The following KCNH1 variants were observed in gnomAD, a reference collection of about 807,000 sequenced individuals.
The protein encoded by KCNH1 is voltage-gated delayed rectifier potassium channel KCNH1.
Under a neutral mutation model 69.2 loss-of-function variants are expected in KCNH1, and 27 were observed. The ratio of observed to expected loss-of-function variants is 0.39; its 90% CI spans 0.29 to 0.54. KCNH1 has a LOEUF of 0.54. KCNH1 is among the 20% of genes least tolerant of loss of function. KCNH1 has a pLI of 0.68. For synonymous variants in KCNH1, 456 were observed against 487.7 expected, an observed-to-expected ratio of 0.93 and a Z score of 0.86; for missense variants, 798 against 1,261.6, an observed-to-expected ratio of 0.63 and a Z score of 5.57.
chr1:210,716,843 T>C (rs1682267170), intron 10 of KCNH1, among the ~76,000 whole-genome samples: 1 of 152,000 alleles, frequency 6.6e-6, no homozygotes, highest in East Asian at 1.9e-4. Context: ...TAATCACGAG[T>C]TGCTATGATT....
intron 7 of KCNH1, among the ~76,000 whole-genome samples, chr1:210,838,472 A>G (rs2102449781): frequency 6.6e-6 from 1 of 152,358 alleles, no homozygotes; most frequent in East Asian, 1.9e-4. Flanking sequence ...AGCCTAGAAG[A>G]AAACCTAGGC....
At chr1:210,744,866 T>C (rs937354065) in intron 10 of KCNH1, among the ~76,000 whole-genome samples, 2 of 151,938 alleles carry the variant, frequency 1.3e-5, no homozygotes, top group Non-Finnish European at 2.9e-5. Flanking sequence ...GTGGCAAAGC[T>C]ACCCTGAGAT....
intron 6 of KCNH1, among the ~76,000 whole-genome samples, chr1:211,005,815 G>GA (rs1006847728): frequency 6.6e-6 from 1 of 151,816 alleles, no homozygotes; most frequent in East Asian, 1.9e-4. Flanking sequence ...ACACAGTAGG[G>GA]AAAAAAATAT....
chr1:211,040,989 CT>C (rs1384142057), intron 5 of KCNH1, among the ~76,000 whole-genome samples: 3 of 152,202 alleles, frequency 2.0e-5, no homozygotes, highest in Non-Finnish European at 4.4e-5. Context: ...TGATCCTCTC[CT>C]TTTTCTTCCC....
rs1333342655 is a variant in KCNH1 at position 211,077,261 on chromosome 1, T to G, written c.558+5519A>C. ...TTCAAATTCAGGAAATACGGAGAAC[T>G]CCACAGACACTCCTCGGAACAGCGA... On this transcript the variant is annotated intron_variant, in intron 5 of 10. Coordinates refer to ENST00000271751, the MANE Select transcript of KCNH1 (RefSeq NM_172362.3). Among the ~76,000 whole-genome samples the G allele has an allele frequency of 2.6e-5, 4 of 151,580 alleles. No homozygotes were observed. In the East Asian group the frequency reaches 7.8e-4, roughly 29 times the overall value.
Position 210,910,181 on chromosome 1 carries a change from C to CA in KCNH1, c.1462+9458dup, listed in dbSNP as rs202123297. Among the ~76,000 whole-genome samples, 108 of 83,766 alleles carry CA rather than the reference C, an allele frequency of 1.3e-3. 1 individual carries two copies. The highest frequency in any genetic ancestry group is 3.4e-3 in the African/African-American group (72 of 21,310). The allele number at this position is 83,766 out of a possible 152,430, so 55.0% of individuals were successfully genotyped here. ...ACAGTCAGAGGTGGTCGTCAAGCAC[C>CA]AAAAAAAAAAATTTCATCAAATTGG... On this transcript the variant is annotated intron_variant, in intron 7 of 10. Coordinates refer to ENST00000271751, the MANE Select transcript of KCNH1 (RefSeq NM_172362.3).
At chr1:210,959,872 C>T (rs1198092163) in intron 6 of KCNH1, among the ~76,000 whole-genome samples, 3 of 152,210 alleles carry the variant, frequency 2.0e-5, no homozygotes, top group Non-Finnish European at 4.4e-5. Context: ...CCAGGTGAGG[C>T]AATGCCCCGC....
intron 10 of KCNH1, among the ~76,000 whole-genome samples, chr1:210,758,312 G>A (rs1229414673): frequency 6.6e-6 from 1 of 152,234 alleles, no homozygotes; most frequent in Non-Finnish European, 1.5e-5. Context: ...AGTGTGGAGA[G>A]TGCACCAGCA....
At chr1:211,068,322 G>T (rs920725642) in intron 5 of KCNH1, among the ~76,000 whole-genome samples, 1 of 152,138 alleles carries the variant, frequency 6.6e-6, no homozygotes, top group Non-Finnish European at 1.5e-5. Context: ...TTTCCAATAC[G>T]TCATGTAAAT....
chr1:210,811,639 C>T (rs1379358045), intron 7 of KCNH1, among the ~76,000 whole-genome samples: 1 of 152,150 alleles, frequency 6.6e-6, no homozygotes, highest in Non-Finnish European at 1.5e-5. Context: ...ACAGCAAAAG[C>T]ATTATCAATG....
intron 10 of KCNH1, among the ~76,000 whole-genome samples, chr1:210,754,155 G>A (rs12040025): frequency 0.46 from 69,998 of 151,548 alleles, 16,564 homozygotes; most frequent in East Asian, 0.71. Context: ...TGCTGACCTT[G>A]TGATCCACCC....
intron 1 of KCNH1, among the ~76,000 whole-genome samples, chr1:211,110,037 A>G (rs1274450987): frequency 6.6e-6 from 1 of 152,068 alleles, no homozygotes; most frequent in African/African-American, 2.4e-5. Context: ...GAAAAAAAAA[A>G]AGACATGAGG....
intron 7 of KCNH1, among the ~76,000 whole-genome samples, chr1:210,847,113 C>T (rs1376522705): frequency 1.3e-5 from 2 of 152,144 alleles, no homozygotes; most frequent in East Asian, 3.9e-4. Context: ...GAAATAGGAA[C>T]ACTTTTACAC....
Position 210,976,429 on chromosome 1 carries a change from C to T in KCNH1, c.1032+42354G>A, listed in dbSNP as rs368650705. ...TACCATCTCACACCAGTTGGAATGGCGATTATTAAAAAGTCAAGAAACAAC... is the reference window on the plus strand; with the variant it reads ...TACCATCTCACACCAGTTGGAATGGTGATTATTAAAAAGTCAAGAAACAAC... On this transcript the variant is annotated intron_variant, in intron 6 of 10. Coordinates refer to ENST00000271751, the MANE Select transcript of KCNH1 (RefSeq NM_172362.3). Among the ~76,000 whole-genome samples the T allele has an allele frequency of 1.7e-4, 23 of 138,506 alleles. 1 individual carries two copies. The highest frequency in any genetic ancestry group is 5.4e-4 in the Admixed American group (7 of 12,890). 90.9% of individuals were successfully genotyped at this position (138,506 alleles called of 152,430 possible). A position where few individuals can be genotyped will look rare whatever the true frequency, so the allele number is the denominator to read the frequency against.
chr1:210,977,782 A>T (rs574723378), intron 6 of KCNH1, among the ~76,000 whole-genome samples: 10 of 152,278 alleles, frequency 6.6e-5, no homozygotes, highest in African/African-American at 2.4e-4. Flanking sequence ...AATATTTTTA[A>T]TGGAAACATA....
At chr1:211,073,149 T>C (rs937528358) in intron 5 of KCNH1, among the ~76,000 whole-genome samples, 3 of 152,108 alleles carry the variant, frequency 2.0e-5, no homozygotes, top group African/African-American at 4.8e-5. Context: ...ATTATAATGA[T>C]AAAAGAGTCA....
intron 1 of KCNH1, among the ~76,000 whole-genome samples, chr1:211,109,997 C>A: frequency 1.4e-5 from 2 of 143,806 alleles, no homozygotes; most frequent in African/African-American, 5.2e-5. Context: ...GAAAGTAGTA[C>A]AGAAAGAGAA....
At chr1:211,030,663 A>C (rs1689765858) in intron 5 of KCNH1, among the ~76,000 whole-genome samples, 1 of 152,028 alleles carries the variant, frequency 6.6e-6, no homozygotes, top group Non-Finnish European at 1.5e-5. Context: ...TTTTTTTAGA[A>C]AAAAAAAGAA....
At chr1:210,705,942 C>T (rs1033890396) in intron 10 of KCNH1, among the ~76,000 whole-genome samples, 1 of 152,188 alleles carries the variant, frequency 6.6e-6, no homozygotes, top group Non-Finnish European at 1.5e-5. Context: ...ATGCTAAGAG[C>T]CAGGTGATAT....
Sources: gnomAD v4.1 joint callset for allele counts (sites outside exome capture counted in the v4.1 genomes callset) on GRCh38, gnomAD v4.1.1 for gene constraint, MANE v1.5 for transcripts, NCBI Gene and HGNC (gene_info 2026-07-23, HGNC 2026-07-21) for gene names.